The following FGD4 variants were observed in gnomAD, a reference collection of about 807,000 sequenced individuals.
FGD4 encodes the protein FYVE, RhoGEF and PH domain-containing protein 4.
Under a neutral mutation model 102.0 loss-of-function variants are expected in FGD4, and 42 were observed. That is an observed-to-expected ratio of 0.41 (90% confidence interval 0.32 to 0.53). The LOEUF (loss-of-function observed/expected upper bound fraction) is 0.53, where lower values mean the gene tolerates loss of function less well. FGD4 is among the 20% of genes least tolerant of loss of function. FGD4 has a pLI of 0.21. For missense variants in FGD4, 902 were observed against 1,078.2 expected (o/e 0.84, Z 2.29); for synonymous variants, 380 against 375.7 (o/e 1.01, Z -0.13).
chr12:32,450,451 T>C (rs1329484145), intron 1 of FGD4, among the ~76,000 whole-genome samples: 2 of 152,160 alleles, frequency 1.3e-5, no homozygotes, highest in African/African-American at 4.8e-5. Context: ...TTATAATCTT[T>C]TACTTCCCTT....
chr12:32,631,696 G>C (rs1033522694), intron 14 of FGD4, among the ~76,000 whole-genome samples: 1 of 151,878 alleles, frequency 6.6e-6, no homozygotes. Flanking sequence ...AGTAGAGACG[G>C]GGTTTCACCA....
In FGD4 at chr12:32,638,545, T is replaced by C. The variant is rs575265318; in HGVS notation, c.2314-110T>C. 1.5e-4 allele frequency: 213 copies of C among 1,413,018 alleles called. No homozygotes were observed. The African/African-American group carries it at 2.8e-3, about 18-fold the overall frequency. 87.5% of individuals were successfully genotyped at this position (1,413,018 alleles called of 1,614,324 possible). ...TTTAAACAATAATTGCAAATGAATC[T>C]TTTTTGGATAGTCCAGGGAAACATT... On this transcript the variant is annotated intron_variant, in intron 15 of 16. Coordinates refer to ENST00000534526, the MANE Select transcript of FGD4 (RefSeq NM_001370298.3).
chr12:32,460,385 C>T (rs902277509), intron 1 of FGD4, among the ~76,000 whole-genome samples: 2 of 151,670 alleles, frequency 1.3e-5, no homozygotes, highest in Admixed American at 6.6e-5. Flanking sequence ...GGTGGTGGTG[C>T]GTGCCCGTAG....
At chr12:32,521,059 T>C (rs1442554477) in intron 1 of FGD4, among the ~76,000 whole-genome samples, 1 of 152,084 alleles carries the variant, frequency 6.6e-6, no homozygotes, top group African/African-American at 2.4e-5. Context: ...GCCATAATAA[T>C]GAACAGGACA....
chr12:32,438,365 T>C (rs1201742365), intron 1 of FGD4, among the ~76,000 whole-genome samples: 1 of 152,160 alleles, frequency 6.6e-6, no homozygotes, highest in Non-Finnish European at 1.5e-5. Flanking sequence ...GGTAAAAATA[T>C]CTGCCGTTAA....
At chr12:32,638,617 T>C (rs368886912) in intron 15 of FGD4, 38 bp from the exon 16 acceptor site, 1 of 1,612,414 alleles carries the variant, frequency 6.2e-7, no homozygotes, top group Non-Finnish European at 8.5e-7. Flanking sequence ...ATCTGATTTG[T>C]TGTGTGTTCA....
chr12:32,638,944 G>A lies in FGD4; in HGVS notation c.2454+149G>A, dbSNP rs1316324536. 8 of 1,498,046 alleles carry A rather than the reference G, an allele frequency of 5.3e-6. No homozygotes were observed. In the East Asian group the frequency reaches 2.0e-4, roughly 37 times the overall value. The allele number at this position is 1,498,046 out of a possible 1,614,324, so 92.8% of individuals were successfully genotyped here. On this transcript the variant is annotated intron_variant, in intron 16 of 16. Transcript: ENST00000534526. ...AAAATAATGAGTAAAGTTCAAGTTT[G>A]TTGTTTAAGCTGATTGATTCATTTT... is the stretch of plus-strand genomic sequence containing the variant.
At chr12:32,575,069 G>C (rs2095729439) in intron 2 of FGD4, among the ~76,000 whole-genome samples, 2 of 152,100 alleles carry the variant, frequency 1.3e-5, no homozygotes, top group African/African-American at 4.8e-5. Context: ...CAGTGTGTTA[G>C]GGAAACTCTG....
intron 7 of FGD4, among the ~76,000 whole-genome samples, chr12:32,604,870 C>T (rs968221523): frequency 6.6e-6 from 1 of 150,560 alleles, no homozygotes; most frequent in African/African-American, 2.5e-5. Context: ...CAGGTTGTTG[C>T]ATGCCTTTTA....
At chr12:32,495,759 C>T (rs1260812689) in intron 1 of FGD4, among the ~76,000 whole-genome samples, 1 of 151,530 alleles carries the variant, frequency 6.6e-6, no homozygotes, top group Non-Finnish European at 1.5e-5. Context: ...TATCCTCCTG[C>T]ACACACACAT....
intron 1 of FGD4, among the ~76,000 whole-genome samples, chr12:32,523,090 A>G (rs1171979920): frequency 6.6e-6 from 1 of 152,194 alleles, no homozygotes; most frequent in Non-Finnish European, 1.5e-5. Flanking sequence ...ATAGTGGAGT[A>G]GCTGTAAACC....
chr12:32,624,810 A>G (rs528253315), intron 12 of FGD4, 166 bp from the exon 13 acceptor site: 1 of 678,496 alleles, frequency 1.5e-6, no homozygotes, highest in South Asian at 1.7e-5. Flanking sequence ...ATCTCTGTGT[A>G]TACAAATGTG....
At chr12:32,495,343 A>T (rs925695250) in intron 1 of FGD4, among the ~76,000 whole-genome samples, 4 of 152,176 alleles carry the variant, frequency 2.6e-5, no homozygotes, top group African/African-American at 9.6e-5. Context: ...TTCACTGGTT[A>T]TGCTTTGGTT....
At chr12:32,526,996 T>C (rs1450508903) in intron 1 of FGD4, among the ~76,000 whole-genome samples, 4 of 152,184 alleles carry the variant, frequency 2.6e-5, no homozygotes, top group African/African-American at 9.7e-5. Flanking sequence ...ATTTTAAAAA[T>C]TAATAATCTA....
At chr12:32,495,265 T>C (rs1937725389) in intron 1 of FGD4, among the ~76,000 whole-genome samples, 1 of 152,192 alleles carries the variant, frequency 6.6e-6, no homozygotes, top group Non-Finnish European at 1.5e-5. Context: ...TTTTGTCACA[T>C]ACTCTACCTA....
rs538308619 is a variant in FGD4, at chr12:32,644,542, A to G, written c.*4009A>G. 4.6e-5 allele frequency: 7 copies of G among 152,292 alleles called. No homozygotes were observed. In the South Asian group the frequency reaches 1.4e-3, roughly 32 times the overall value. The allele number at this position is 152,292 out of a possible 1,614,324, so 9.4% of individuals were successfully genotyped here. ...ATCTTTATGTATAATTCATCCTTAT[A>G]TATACCCCTTAATCACGTAGTCATG... On this transcript the variant is annotated 3_prime_UTR_variant, in exon 17 of 17. Transcript: ENST00000534526.
intron 1 of FGD4, among the ~76,000 whole-genome samples, chr12:32,446,044 T>G (rs1233441366): frequency 6.6e-6 from 1 of 152,154 alleles, no homozygotes; most frequent in Non-Finnish European, 1.5e-5. Context: ...TCCCAGCTAC[T>G]CAGGAGACTG....
chr12:32,442,684 G>A (rs1333951747), intron 1 of FGD4, among the ~76,000 whole-genome samples: 2 of 148,946 alleles, frequency 1.3e-5, no homozygotes, highest in Admixed American at 1.4e-4. Flanking sequence ...TCAGCCTCCC[G>A]AGTAGCTGGG....
chr12:32,582,789 G>A (rs2136439216), intron 4 of FGD4: 1 of 347,360 alleles, frequency 2.9e-6, no homozygotes, highest in South Asian at 3.1e-5. Context: ...CTAGATGTTG[G>A]TGCTGTATCC....
Sources: allele counts gnomAD v4.1 joint callset (sites outside exome capture counted in the v4.1 genomes callset), GRCh38; gene constraint gnomAD v4.1.1; transcripts MANE v1.5; gene names NCBI Gene and HGNC (gene_info 2026-07-23, HGNC 2026-07-21).